KIF26B: variants seen among roughly 807,000 people sequenced by gnomAD.
The protein encoded by KIF26B is kinesin-like protein KIF26B.
Under a neutral mutation model 151.2 loss-of-function variants are expected in KIF26B, and 63 were observed. That is an observed-to-expected ratio of 0.42 (90% CI 0.34 to 0.51). The LOEUF (loss-of-function observed/expected upper bound fraction) is 0.51. KIF26B is among the 20% of genes least tolerant of loss of function. The probability of loss-of-function intolerance (pLI) is 0.07; values close to 1 mark genes in which losing one functional copy is unlikely to be tolerated. For missense variants in KIF26B, 2,813 were observed against 2,913.6 expected, an observed-to-expected ratio of 0.97 and a Z score of 0.79; for synonymous variants, 1,357 against 1,262.1, an observed-to-expected ratio of 1.08 and a Z score of -1.59.
Position 245,646,211 on chromosome 1 carries a change from G to C in KIF26B, c.2189G>C (p.Cys730Ser), listed in dbSNP as rs765584263. 18 of 1,613,852 alleles carry C rather than the reference G, an allele frequency of 1.1e-5. No homozygotes were observed. Among genetic ancestry groups the C allele is most frequent in the East Asian group, 2.2e-5 (1 of 44,884 alleles). ...SKNREGGSGL[C>S]LSLSALGNVI... The stretch of plus-strand genomic sequence containing the variant: ...AATCGAGAAGGAGGCTCAGGGCTGT[G>C]TCTCTCGCTGTCTGCTCTGGGCAAT... The change falls in exon 10 of 15, where the codon TGT becomes TCT. Residue 730 changes from cysteine to serine, a missense_variant. This residue lies in a region of KIF26B where 2,060 missense variants were observed against 2,088.6 expected (regional missense o/e 0.99). Coordinates refer to ENST00000407071, the MANE Select transcript of KIF26B (RefSeq NM_018012.4).
intron 3 of KIF26B, among the ~76,000 whole-genome samples, chr1:245,397,672 T>A (rs1449841176): frequency 6.6e-6 from 1 of 152,198 alleles, no homozygotes; most frequent in Non-Finnish European, 1.5e-5. Context: ...GTGTAGTAAG[T>A]GGCATAGTTA....
intron 2 of KIF26B, among the ~76,000 whole-genome samples, chr1:245,249,229 T>G (rs1670393862): frequency 6.6e-6 from 1 of 151,890 alleles, no homozygotes; most frequent in South Asian, 2.1e-4. Context: ...CCTGAGTAGC[T>G]GGGATTACAG....
At chr1:245,391,193 A>G (rs979219168) in intron 3 of KIF26B, among the ~76,000 whole-genome samples, 1 of 152,300 alleles carries the variant, frequency 6.6e-6, no homozygotes, top group East Asian at 1.9e-4. Flanking sequence ...ATCTTGCAAC[A>G]TAAGATCCAT....
intron 2 of KIF26B, among the ~76,000 whole-genome samples, chr1:245,346,314 C>G (rs1040045202): frequency 6.6e-6 from 1 of 152,094 alleles, no homozygotes; most frequent in African/African-American, 2.4e-5. Context: ...CTAACTGCTC[C>G]CCGAAGTCCT....
chr1:245,207,101 G>A lies in KIF26B; in HGVS notation c.465+50418G>A, dbSNP rs150278590. Among the ~76,000 whole-genome samples the A allele has an allele frequency of 6.8e-3, 1,038 of 152,222 alleles. 10 individuals are homozygous for A. Among genetic ancestry groups the A allele is most frequent in the Middle Eastern group, 0.021 (6 of 292 alleles). On this transcript the variant is annotated intron_variant, in intron 2 of 14. Transcript: ENST00000407071. ...GTACTTGGCAGAGAAGGGCAGAGTGGGGCATTCCTGAATGAACAAATGGAT... is the reference window on the plus strand; with the variant it reads ...GTACTTGGCAGAGAAGGGCAGAGTGAGGCATTCCTGAATGAACAAATGGAT...
chr1:245,427,656 G>A (rs574325504), intron 4 of KIF26B, among the ~76,000 whole-genome samples: 2 of 152,164 alleles, frequency 1.3e-5, no homozygotes, highest in South Asian at 2.1e-4. Flanking sequence ...AGCTCATATT[G>A]TAGAACTTCA....
chr1:245,655,320 T>G (rs1429906813), intron 10 of KIF26B, among the ~76,000 whole-genome samples: 1 of 152,196 alleles, frequency 6.6e-6, no homozygotes, highest in Non-Finnish European at 1.5e-5. Context: ...GGCAGAAAGG[T>G]CACTGTTTTA....
At chr1:245,161,856 T>C (rs1668535157) in intron 2 of KIF26B, among the ~76,000 whole-genome samples, 1 of 152,164 alleles carries the variant, frequency 6.6e-6, no homozygotes, top group Non-Finnish European at 1.5e-5. Flanking sequence ...GAGATGGTTA[T>C]TATTTTTCCT....
At chr1:245,610,663 A>G (rs1205435934) in intron 8 of KIF26B, among the ~76,000 whole-genome samples, 1 of 152,226 alleles carries the variant, frequency 6.6e-6, no homozygotes, top group African/African-American at 2.4e-5. Context: ...TTAGAACTTC[A>G]TTGATGAAAT....
intron 2 of KIF26B, among the ~76,000 whole-genome samples, chr1:245,322,042 T>C (rs1288594718): frequency 1.3e-5 from 2 of 152,108 alleles, no homozygotes; most frequent in Non-Finnish European, 2.9e-5. Flanking sequence ...TATGCAGCCA[T>C]AGAAAAGAAT....
At chr1:245,212,318 G>A (rs957500755) in intron 2 of KIF26B, among the ~76,000 whole-genome samples, 2 of 152,170 alleles carry the variant, frequency 1.3e-5, no homozygotes, top group South Asian at 2.1e-4. Flanking sequence ...AGGAAGTGGT[G>A]GGTCTGCGAT....
intron 10 of KIF26B, among the ~76,000 whole-genome samples, chr1:245,656,266 G>A (rs538811075): frequency 2.0e-5 from 3 of 152,090 alleles, no homozygotes; most frequent in Non-Finnish European, 4.4e-5. Context: ...GGCACAGAGC[G>A]GTGATTCTCA....
Position 245,367,151 on chromosome 1 carries a change from CA to C in KIF26B, c.785del (p.Asn262ThrfsTer76). On this transcript the variant is annotated frameshift_variant, in exon 3 of 15. Coordinates refer to ENST00000407071, the MANE Select transcript of KIF26B (RefSeq NM_018012.4). LOFTEE classifies it high-confidence loss of function. This position sits in a 1 kb window ranked among gnomAD's most constrained non-coding sequence, Gnocchi z 4.2. The stretch of plus-strand genomic sequence containing the variant: ...CCACCTCCAACTACACAGGCTTCGC[CA>C]ACAAGCACGGCAGCAAACCCAGCAG... ...CATSNYTGFA[N>X]KHGSKPSSLG... 6.2e-7 allele frequency: 1 copy of C among 1,603,296 alleles called. No individual in the cohort carries two copies. Among genetic ancestry groups the C allele is most frequent in the South Asian group, 1.1e-5 (1 of 89,018 alleles).
chr1:245,255,996 C>T (rs749362567), intron 2 of KIF26B, among the ~76,000 whole-genome samples: 9 of 152,150 alleles, frequency 5.9e-5, no homozygotes, highest in Non-Finnish European at 2.9e-5. Flanking sequence ...AAATGAGTCA[C>T]TTAAAGCCAC....
At chr1:245,681,836 G>T (rs550629288) in intron 10 of KIF26B, among the ~76,000 whole-genome samples, 4 of 152,342 alleles carry the variant, frequency 2.6e-5, no homozygotes, top group South Asian at 4.1e-4. Flanking sequence ...TTATTTTGAA[G>T]AAACGTATTA....
chr1:245,175,053 G>T (rs1272489351), intron 2 of KIF26B, among the ~76,000 whole-genome samples: 1 of 152,098 alleles, frequency 6.6e-6, no homozygotes, highest in African/African-American at 2.4e-5. Flanking sequence ...TCTCCTGGGG[G>T]CCCATTGCTC....
At chr1:245,483,856 T>C (rs182531196) in intron 4 of KIF26B, among the ~76,000 whole-genome samples, 2 of 152,090 alleles carry the variant, frequency 1.3e-5, no homozygotes, top group Non-Finnish European at 2.9e-5. Context: ...TACTTTAGTG[T>C]AGCGAAGGCT....
rs564425669 is a variant in KIF26B at position 245,254,133 on chromosome 1, CATT to C, written c.465+97453_465+97455del. On this transcript the variant is annotated intron_variant, in intron 2 of 14. Coordinates refer to ENST00000407071, the MANE Select transcript of KIF26B (RefSeq NM_018012.4). ...CTGAAGTGCTGTTTTTTTTCTTTAA[CATT>C]ATGGGCATTTTCTAGATCATTCAAT... Among the ~76,000 whole-genome samples the C allele has an allele frequency of 1.9e-3, 282 of 152,116 alleles. 1 individual carries two copies. The highest frequency in any genetic ancestry group is 6.5e-3 in the African/African-American group (270 of 41,506).
At chr1:245,346,878 C>G (rs1461438300) in intron 2 of KIF26B, among the ~76,000 whole-genome samples, 1 of 152,210 alleles carries the variant, frequency 6.6e-6, no homozygotes, top group Non-Finnish European at 1.5e-5. Context: ...TTCCCCCTTT[C>G]TCACCTACCT....
Sources: allele counts gnomAD v4.1 joint callset (sites outside exome capture counted in the v4.1 genomes callset), GRCh38; gene constraint gnomAD v4.1.1; regional missense constraint gnomAD v4.1.1; non-coding constraint Gnocchi (gnomAD v3.1); transcripts MANE v1.5; gene names NCBI Gene and HGNC (gene_info 2026-07-23, HGNC 2026-07-21).